Variants in PTPRD observed in about 807,000 individuals in gnomAD.
PTPRD encodes the protein receptor-type tyrosine-protein phosphatase delta.
Under a neutral mutation model 214.5 loss-of-function variants are expected in PTPRD, and 34 were observed. The observed-to-expected ratio is 0.16, with a 90% CI of 0.12 to 0.21. The LOEUF (loss-of-function observed/expected upper bound fraction) is 0.21, where lower values mean the gene tolerates loss of function less well. PTPRD is among the 10% of genes least tolerant of loss of function. The pLI, the probability that PTPRD is intolerant of heterozygous loss-of-function variation, is 1.00. For synonymous variants in PTPRD, 1,128 were observed against 845.7 expected (o/e 1.33, Z -5.79); for missense variants, 2,545 against 2,398.7 (o/e 1.06, Z -1.27).
intron 7 of PTPRD, among the ~76,000 whole-genome samples, chr9:9,702,297 A>G (rs73641343): frequency 6.6e-6 from 1 of 152,308 alleles, no homozygotes; most frequent in African/African-American, 2.4e-5. Flanking sequence ...TGTGTTTACA[A>G]TTAGAGAATT....
intron 7 of PTPRD, among the ~76,000 whole-genome samples, chr9:9,685,715 A>G (rs1204941847): frequency 6.6e-6 from 1 of 151,314 alleles, no homozygotes; most frequent in Admixed American, 6.6e-5. Context: ...CAGAAAAAAA[A>G]AAACTTTGAA....
intron 39 of PTPRD, among the ~76,000 whole-genome samples, chr9:8,372,645 A>C (rs1333936737): frequency 6.6e-6 from 1 of 151,956 alleles, no homozygotes; most frequent in Non-Finnish European, 1.5e-5. Flanking sequence ...TGCCTGTTTG[A>C]ACTAGACCTT....
At chr9:8,527,442 C>G (rs2139376481) in intron 15 of PTPRD, 89 bp from the exon 16 acceptor site, 1 of 1,135,940 alleles carries the variant, frequency 8.8e-7, no homozygotes, top group Non-Finnish European at 1.3e-6. Context: ...AGAGTTAAAG[C>G]TTTATATACT....
At chr9:9,116,845 C>T (rs1210554715) in intron 10 of PTPRD, among the ~76,000 whole-genome samples, 1 of 152,090 alleles carries the variant, frequency 6.6e-6, no homozygotes, top group Non-Finnish European at 1.5e-5. Flanking sequence ...GTGCTTGCCA[C>T]AGTTTGTAAT....
chr9:8,651,160 G>A lies in PTPRD; in HGVS notation c.65-14316C>T, dbSNP rs551146584. On this transcript the variant is annotated intron_variant, in intron 12 of 45. Coordinates refer to ENST00000381196, the MANE Select transcript of PTPRD (RefSeq NM_002839.4). ...AGAGAAAGAATCTATATTCATATAT[G>A]CAAGATGATTATGAGAAAAGCGTTC... is the stretch of plus-strand genomic sequence containing the variant. Among the ~76,000 whole-genome samples the A allele has an allele frequency of 2.0e-3, 297 of 152,278 alleles. 3 individuals carry two copies. The highest frequency in any genetic ancestry group is 6.8e-3 in the African/African-American group (282 of 41,554).
At chr9:10,103,587 G>A (rs1313480584) in intron 3 of PTPRD, among the ~76,000 whole-genome samples, 1 of 151,178 alleles carries the variant, frequency 6.6e-6, no homozygotes, top group East Asian at 2.0e-4. Context: ...TGGTTTTATG[G>A]TTGTGCTTTT....
intron 10 of PTPRD, among the ~76,000 whole-genome samples, chr9:9,024,344 TTTTG>T (rs1274921494): frequency 1.4e-4 from 9 of 62,916 alleles, no homozygotes; most frequent in African/African-American, 3.3e-4. Flanking sequence ...CTTTGTTTTT[TTTTG>T]TTTGTTTTTT....
At chr9:9,069,368 T>G (rs2099740429) in intron 10 of PTPRD, among the ~76,000 whole-genome samples, 2 of 152,212 alleles carry the variant, frequency 1.3e-5, no homozygotes, top group Non-Finnish European at 2.9e-5. Flanking sequence ...AAACTGGCTT[T>G]CATACATTCA....
chr9:9,890,236 G>T (rs367750329), intron 5 of PTPRD, among the ~76,000 whole-genome samples: 1 of 151,792 alleles, frequency 6.6e-6, no homozygotes, highest in African/African-American at 2.4e-5. Context: ...CTTACTCTGT[G>T]GCCCAGGGTA....
In PTPRD at chr9:10,096,994, A is replaced by G. The variant is rs2098496067; in HGVS notation, c.-544-63204T>C. ...TCCCAGCACCATTTATTAAATAGGG[A>G]ATCCTTTCCTCATTGCTTGTTTTGG... On this transcript the variant is annotated intron_variant, in intron 3 of 45. Coordinates refer to ENST00000381196, the MANE Select transcript of PTPRD (RefSeq NM_002839.4). 3.9e-5 allele frequency among the ~76,000 whole-genome samples: 6 copies of G among 151,990 alleles called. No homozygotes were observed. The East Asian group carries it at 1.2e-3, about 29-fold the overall frequency.
At chr9:8,990,168 T>C (rs2099360718) in intron 11 of PTPRD, among the ~76,000 whole-genome samples, 1 of 152,130 alleles carries the variant, frequency 6.6e-6, no homozygotes, top group South Asian at 2.1e-4. Context: ...AGTACAAGTT[T>C]ACATGGAAAA....
Position 8,636,338 on chromosome 9 carries a change from G to C in PTPRD, c.210+361C>G, listed in dbSNP as rs144265359. On this transcript the variant is annotated intron_variant, in intron 13 of 45. Coordinates refer to ENST00000381196, the MANE Select transcript of PTPRD (RefSeq NM_002839.4). ...CACAAATTGTCTCAGGGATGCACAA[G>C]TAACGTAATAGGAGCCAATGGGATG... 2.4e-3 allele frequency among the ~76,000 whole-genome samples: 366 copies of C among 152,272 alleles called. 2 individuals carry two copies. Among genetic ancestry groups the C allele is most frequent in the African/African-American group, 8.5e-3 (354 of 41,564 alleles).
intron 9 of PTPRD, among the ~76,000 whole-genome samples, chr9:9,216,151 T>C (rs1425392619): frequency 6.6e-6 from 1 of 152,168 alleles, no homozygotes; most frequent in African/African-American, 2.4e-5. Context: ...TAAATGGGGA[T>C]TATAATAGGG....
intron 2 of PTPRD, among the ~76,000 whole-genome samples, chr9:10,518,096 T>C (rs908848507): frequency 1.3e-5 from 2 of 152,340 alleles, no homozygotes; most frequent in South Asian, 2.1e-4. Context: ...AATCCATTGT[T>C]CTATTCCATT....
At chr9:9,801,706 T>C (rs1223178052) in intron 5 of PTPRD, among the ~76,000 whole-genome samples, 2 of 152,066 alleles carry the variant, frequency 1.3e-5, no homozygotes, top group African/African-American at 4.8e-5. Flanking sequence ...TTGGAAATTA[T>C]TGGAGGACAC....
chr9:9,606,750 G>T (rs1023094524), intron 7 of PTPRD, among the ~76,000 whole-genome samples: 4 of 151,632 alleles, frequency 2.6e-5, no homozygotes, highest in Non-Finnish European at 5.9e-5. Context: ...GAAAACAACA[G>T]AAGTTCTTAC....
At chr9:8,983,078 T>A (rs2099321690) in intron 11 of PTPRD, among the ~76,000 whole-genome samples, 1 of 152,082 alleles carries the variant, frequency 6.6e-6, no homozygotes, top group Non-Finnish European at 1.5e-5. Context: ...ACACTTTTTC[T>A]TTTTTTCATA....
chr9:9,135,839 A>G (rs2099849974), intron 10 of PTPRD, among the ~76,000 whole-genome samples: 3 of 152,176 alleles, frequency 2.0e-5, no homozygotes, highest in Admixed American at 2.0e-4. Flanking sequence ...CAGCTTGAAA[A>G]AAACCCCACA....
chr9:9,144,372 A>G (rs2099865045), intron 10 of PTPRD, among the ~76,000 whole-genome samples: 1 of 152,214 alleles, frequency 6.6e-6, no homozygotes, highest in Non-Finnish European at 1.5e-5. Context: ...AGAGCTTTCA[A>G]TAAAATCCGA....
Sources: allele counts gnomAD v4.1 joint callset (sites outside exome capture counted in the v4.1 genomes callset), GRCh38; gene constraint gnomAD v4.1.1; transcripts MANE v1.5; gene names NCBI Gene and HGNC (gene_info 2026-07-23, HGNC 2026-07-21).